COL5A2: variants seen among roughly 807,000 people sequenced by gnomAD.
COL5A2 encodes the protein collagen type V alpha 2 chain, also known as collagen alpha-2(V) chain.
In COL5A2, 23 loss-of-function variants were observed where a neutral mutation model predicts 208.2. The ratio of observed to expected loss-of-function variants is 0.11; its 90% CI spans 0.08 to 0.16. The LOEUF is 0.16. Among genes scored for constraint, COL5A2 ranks in the 10% least tolerant of loss-of-function variants. The pLI, the probability that COL5A2 is intolerant of heterozygous loss-of-function variation, is 1.00. For missense variants in COL5A2, 1,590 were observed against 1,956.4 expected (o/e 0.81, Z 3.53); for synonymous variants, 625 against 628.5 (o/e 0.99, Z 0.08).
At chr2:189,122,278 AT>A (rs1687516843) in intron 1 of COL5A2, among the ~76,000 whole-genome samples, 2 of 152,218 alleles carry the variant, frequency 1.3e-5, no homozygotes, top group Admixed American at 6.5e-5. Flanking sequence ...AGCTGAAATT[AT>A]CTGAGAAAGG....
intron 1 of COL5A2, among the ~76,000 whole-genome samples, chr2:189,166,084 C>T (rs908924313): frequency 6.6e-6 from 1 of 152,124 alleles, no homozygotes; most frequent in Non-Finnish European, 1.5e-5. Flanking sequence ...TCCCCCAAGA[C>T]ATCACTTAGA....
chr2:189,063,234 C>T lies in COL5A2; in HGVS notation c.1807G>A (p.Gly603Ser). Residue 603 changes from glycine to serine, a missense_variant, in exon 27 of 54, where the codon GGC (glycine) becomes AGC (serine). Gly to Ser is a moderately conservative substitution (Grantham distance 56). Transcript: ENST00000374866. ...PGEDGRPGPPGSIGIRGQPGS... is the reference protein window; with the variant it reads ...PGEDGRPGPPSSIGIRGQPGS... Reference sequence around the variant, plus strand: ...GGCTGCCCTCTGATTCCTATGGAGCCTGGAGGACCTGGACGGCCATCTTCC... The same window carrying T: ...GGCTGCCCTCTGATTCCTATGGAGCTTGGAGGACCTGGACGGCCATCTTCC... 6.2e-7 allele frequency: 1 copy of T among 1,614,132 alleles called. No homozygotes were observed.
intron 21 of COL5A2, among the ~76,000 whole-genome samples, chr2:189,067,390 C>A (rs1263777803): frequency 6.6e-6 from 1 of 152,002 alleles, no homozygotes; most frequent in African/African-American, 2.4e-5. Flanking sequence ...GTCACCAGCA[C>A]TTTAAGAGAA....
the COL5A2 span, among the ~76,000 whole-genome samples, chr2:189,385,168 G>C: frequency 6.6e-6 from 1 of 151,950 alleles, no homozygotes; most frequent in African/African-American, 2.4e-5. Context: ...GAAAGAAAAG[G>C]CATCCCAATA....
At chr2:189,409,204 C>CTT in the COL5A2 span, among the ~76,000 whole-genome samples, 8,591 of 92,012 alleles carry the variant, frequency 0.093, 701 homozygotes, top group Middle Eastern at 0.12. Context: ...TAAATTTACT[C>CTT]TTTTTTTTTT....
At chr2:189,379,041 A>G in the COL5A2 span, among the ~76,000 whole-genome samples, 50 of 152,272 alleles carry the variant, frequency 3.3e-4, no homozygotes, top group Admixed American at 5.9e-4. Context: ...AGTAGCTGGG[A>G]AAGTAGTTCT....
In COL5A2 at chr2:189,112,400, G is replaced by A. The variant is rs1344365381; in HGVS notation, c.98-1951C>T. The stretch of plus-strand genomic sequence containing the variant: ...AAAGCTACATATGAAAATTATTTTA[G>A]TTTACAATACAGATATTAATACAAA... On this transcript the variant is annotated intron_variant, in intron 1 of 53. Transcript: ENST00000374866. Among the ~76,000 whole-genome samples the A allele has an allele frequency of 3.9e-5, 6 of 152,026 alleles. No homozygotes were observed. The East Asian group carries it at 9.6e-4, about 24-fold the overall frequency.
chr2:189,219,529 A>G (rs528422870), intron 1 of COL5A2, among the ~76,000 whole-genome samples: 3 of 152,306 alleles, frequency 2.0e-5, no homozygotes, highest in African/African-American at 7.2e-5. Flanking sequence ...AAGGGTGGAA[A>G]CTGAATGGAT....
chr2:189,060,608 C>G (rs1037495648), intron 31 of COL5A2, 122 bp downstream of exon 31: 1 of 806,754 alleles, frequency 1.2e-6, no homozygotes, highest in Admixed American at 2.0e-5. Context: ...GTACATAGGG[C>G]TGCTTTGAGA....
At chr2:189,402,035 T>C in the COL5A2 span, among the ~76,000 whole-genome samples, 2 of 152,206 alleles carry the variant, frequency 1.3e-5, no homozygotes, top group Admixed American at 1.3e-4. Context: ...ATTCTGTTGC[T>C]GGTTACTTTT....
chr2:189,344,334 G>A, the COL5A2 span, among the ~76,000 whole-genome samples: 70 of 152,172 alleles, frequency 4.6e-4, 1 homozygote, highest in African/African-American at 1.5e-3. Flanking sequence ...AAAAACTCTC[G>A]GGTCAAACAG....
At chr2:189,299,707 T>C in the COL5A2 span, among the ~76,000 whole-genome samples, 1 of 152,158 alleles carries the variant, frequency 6.6e-6, no homozygotes, top group Non-Finnish European at 1.5e-5. Flanking sequence ...CATCCATATT[T>C]CAGTGTTGGA....
At chr2:189,232,880 T>G in the COL5A2 span, among the ~76,000 whole-genome samples, 1 of 151,710 alleles carries the variant, frequency 6.6e-6, no homozygotes, top group Non-Finnish European at 1.5e-5. Context: ...CCTTGAGAAC[T>G]ATGAGAAATA....
chr2:189,249,046 T>A, the COL5A2 span, among the ~76,000 whole-genome samples: 1 of 152,156 alleles, frequency 6.6e-6, no homozygotes, highest in Non-Finnish European at 1.5e-5. Context: ...GATTAGCCAA[T>A]TCTGCAGTTC....
chr2:189,180,604 A>G (rs372578518), upstream of COL5A2, among the ~76,000 whole-genome samples: 36 of 152,264 alleles, frequency 2.4e-4, no homozygotes, highest in African/African-American at 7.9e-4. Flanking sequence ...TGTGCACTCC[A>G]ATTTTCTCAT....
In COL5A2 at chr2:189,056,844, T is replaced by C. The variant is rs1576497853; in HGVS notation, c.2391+129A>G. 55 of 849,816 alleles carry C rather than the reference T, an allele frequency of 6.5e-5. 1 individual carries two copies. In the South Asian group the frequency reaches 7.2e-4, roughly 11 times the overall value. The allele number at this position is 849,816 out of a possible 1,614,324, so 52.6% of individuals were successfully genotyped here. On this transcript the variant is annotated intron_variant, in intron 35 of 53. Transcript: ENST00000374866. ...TGGTTGAATCACAGCAGATCTCACA[T>C]GCCATTATTCTCCAACTCCTGACTA...
the COL5A2 span, among the ~76,000 whole-genome samples, chr2:189,377,158 C>A: frequency 6.6e-6 from 1 of 152,312 alleles, no homozygotes; most frequent in East Asian, 1.9e-4. Flanking sequence ...GCAGTTCCTG[C>A]AGAACCGTAC....
the COL5A2 span, among the ~76,000 whole-genome samples, chr2:189,303,736 T>C: frequency 0.037 from 5,615 of 152,284 alleles, 118 homozygotes; most frequent in Admixed American, 0.05. Context: ...GTTCAAACTG[T>C]GTTCAAATAA....
chr2:189,167,838 A>G (rs573269508), intron 1 of COL5A2, among the ~76,000 whole-genome samples: 28 of 152,114 alleles, frequency 1.8e-4, no homozygotes, highest in Non-Finnish European at 3.1e-4. Context: ...CTAGAAGGGC[A>G]TAACACTGTA....
Sources: gnomAD v4.1 joint callset for allele counts (sites outside exome capture counted in the v4.1 genomes callset) on GRCh38, gnomAD v4.1.1 for gene constraint, MANE v1.5 for transcripts, NCBI Gene and HGNC (gene_info 2026-07-23, HGNC 2026-07-21) for gene names.